The following ZFAND6 variants were observed in gnomAD, a reference collection of about 807,000 sequenced individuals.
The protein encoded by ZFAND6 is zinc finger AN1-type containing 6, also known as AN1-type zinc finger protein 6.
A neutral mutation model predicts 24.5 loss-of-function variants in ZFAND6; 12 were observed. That is an observed-to-expected ratio of 0.49 (90% CI 0.31 to 0.79). ZFAND6 has a LOEUF of 0.79. ZFAND6 is among the 30% of genes least tolerant of loss of function. ZFAND6 has a pLI of 0.04. For missense variants in ZFAND6, 207 were observed against 245.9 expected (o/e 0.84, Z 1.06); for synonymous variants, 92 against 81.5 (o/e 1.13, Z -0.69).
At chr15:80,071,231 A>T (rs1027128971) in intron 1 of ZFAND6, among the ~76,000 whole-genome samples, 4 of 152,216 alleles carry the variant, frequency 2.6e-5, no homozygotes, top group African/African-American at 9.6e-5. Context: ...CTCTGAGGAA[A>T]AATAGTTGCA....
chr15:80,064,975 CT>C (rs1181661262), intron 1 of ZFAND6, among the ~76,000 whole-genome samples: 1 of 138,792 alleles, frequency 7.2e-6, no homozygotes, highest in Non-Finnish European at 1.5e-5. Flanking sequence ...ACAGTGTTGT[CT>C]TTTCTCTTGC....
intron 2 of ZFAND6, among the ~76,000 whole-genome samples, chr15:80,110,376 G>T (rs938522913): frequency 1.3e-5 from 2 of 152,040 alleles, no homozygotes; most frequent in African/African-American, 2.4e-5. Context: ...AGATATGCAA[G>T]ACCTCATCAC....
intron 1 of ZFAND6, among the ~76,000 whole-genome samples, chr15:80,075,548 T>C (rs1024735287): frequency 3.9e-5 from 6 of 152,060 alleles, no homozygotes; most frequent in African/African-American, 1.4e-4. Flanking sequence ...GGTCAAGATA[T>C]GAAAAGTGAT....
chr15:80,106,203 C>G (rs1490979596), intron 2 of ZFAND6, among the ~76,000 whole-genome samples: 1 of 152,186 alleles, frequency 6.6e-6, no homozygotes, highest in Non-Finnish European at 1.5e-5. Flanking sequence ...TTTGCTATGT[C>G]TTTCCTGATA....
chr15:80,069,175 T>C (rs2036832632), intron 1 of ZFAND6, among the ~76,000 whole-genome samples: 1 of 152,242 alleles, frequency 6.6e-6, no homozygotes, highest in Non-Finnish European at 1.5e-5. Flanking sequence ...GTCTATTTTC[T>C]CTTAGTTTTT....
intron 1 of ZFAND6, among the ~76,000 whole-genome samples, chr15:80,064,606 A>G (rs1223914338): frequency 1.6e-5 from 1 of 63,278 alleles, no homozygotes; most frequent in Admixed American, 2.2e-4. Context: ...ACATGTATAC[A>G]TACACACACA....
chr15:80,066,120 C>T (rs1304275181), intron 1 of ZFAND6, among the ~76,000 whole-genome samples: 2 of 152,100 alleles, frequency 1.3e-5, no homozygotes, highest in African/African-American at 2.4e-5. Flanking sequence ...TGCCTTCATC[C>T]AGTTACAGTC....
chr15:80,106,725 T>G lies in ZFAND6; in HGVS notation c.-18+8147T>G, dbSNP rs112967307. ...TTTCCTCTGAATTTGTGTAGGTATC[T>G]TTTTCCTCAGTAACCCTTTTCCCTG... On this transcript the variant is annotated intron_variant, in intron 2 of 6. Transcript: ENST00000261749. Among the ~76,000 whole-genome samples, 142 of 152,286 alleles carry G rather than the reference T, an allele frequency of 9.3e-4. 1 individual carries two copies. Among genetic ancestry groups the G allele is most frequent in the African/African-American group, 2.6e-3 (106 of 41,544 alleles).
chr15:80,082,367 A>G (rs2037724255), intron 1 of ZFAND6, among the ~76,000 whole-genome samples: 1 of 152,252 alleles, frequency 6.6e-6, no homozygotes, highest in South Asian at 2.1e-4. Flanking sequence ...AGAGATAGGA[A>G]AAATTGACAA....
At chr15:80,091,271 C>T (rs368871824) in intron 1 of ZFAND6, among the ~76,000 whole-genome samples, 11 of 151,740 alleles carry the variant, frequency 7.2e-5, no homozygotes, top group African/African-American at 1.9e-4. Context: ...GGAGGATGTA[C>T]GTGAAAATCT....
chr15:80,069,086 T>G (rs547919059), intron 1 of ZFAND6, among the ~76,000 whole-genome samples: 2 of 152,296 alleles, frequency 1.3e-5, no homozygotes, highest in East Asian at 3.9e-4. Flanking sequence ...AAAGAATGAG[T>G]CTTCGTCTTT....
intron 1 of ZFAND6, among the ~76,000 whole-genome samples, chr15:80,066,676 C>A (rs1267633676): frequency 1.3e-5 from 2 of 151,902 alleles, no homozygotes; most frequent in African/African-American, 4.8e-5. Context: ...TGGCTGAGAT[C>A]ACTTGATGTC....
chr15:80,074,744 T>G (rs771086653), intron 1 of ZFAND6, among the ~76,000 whole-genome samples: 13 of 151,950 alleles, frequency 8.6e-5, no homozygotes, highest in Non-Finnish European at 1.8e-4. Context: ...AGAGCATGCT[T>G]TGTTGGCATT....
In ZFAND6 at chr15:80,105,966, A is replaced by T. The variant is rs544315440; in HGVS notation, c.-18+7388A>T. The stretch of plus-strand genomic sequence containing the variant: ...CTTAACATTTTGTGGTTTTGTGGCT[A>T]ATAAAGTTGTAATTTTGGAGTTAGA... On this transcript the variant is annotated intron_variant, in intron 2 of 6. Coordinates refer to ENST00000261749, the MANE Select transcript of ZFAND6 (RefSeq NM_019006.4). Among the ~76,000 whole-genome samples the T allele has an allele frequency of 3.3e-5, 5 of 152,294 alleles. No homozygotes were observed. The East Asian group carries it at 9.7e-4, about 29-fold the overall frequency.
chr15:80,060,711 C>CA (rs1295690899), intron 1 of ZFAND6: 8 of 152,214 alleles, frequency 5.3e-5, no homozygotes, highest in Non-Finnish European at 1.2e-4. Context: ...ATCACGAGGT[C>CA]AGGAGATCGA....
intron 1 of ZFAND6, among the ~76,000 whole-genome samples, chr15:80,097,095 G>A (rs1489558839): frequency 2.0e-5 from 3 of 151,388 alleles, no homozygotes; most frequent in Non-Finnish European, 2.9e-5. Context: ...CACCTCCCAG[G>A]TTCAAGTGAT....
At chr15:80,087,698 A>T (rs2038085285) in intron 1 of ZFAND6, among the ~76,000 whole-genome samples, 1 of 152,114 alleles carries the variant, frequency 6.6e-6, no homozygotes, top group Non-Finnish European at 1.5e-5. Flanking sequence ...ACTACTATGA[A>T]TTTTTTTGTA....
At chr15:80,094,187 C>G (rs138299218) in intron 1 of ZFAND6, among the ~76,000 whole-genome samples, 2 of 152,340 alleles carry the variant, frequency 1.3e-5, no homozygotes, top group African/African-American at 4.8e-5. Flanking sequence ...TTAAAATAGA[C>G]ATGTATTTCC....
At chr15:80,118,357 C>T (rs191448917) in intron 2 of ZFAND6, among the ~76,000 whole-genome samples, 2 of 152,076 alleles carry the variant, frequency 1.3e-5, no homozygotes, top group East Asian at 1.9e-4. Context: ...CTCCTGACCT[C>T]GTGAGCCACC....
Sources: gnomAD v4.1 joint callset for allele counts (sites outside exome capture counted in the v4.1 genomes callset) on GRCh38, gnomAD v4.1.1 for gene constraint, MANE v1.5 for transcripts, NCBI Gene and HGNC (gene_info 2026-07-23, HGNC 2026-07-21) for gene names.